The following ANKRD12 variants were observed in gnomAD, a reference collection of about 807,000 sequenced individuals.
ANKRD12 encodes ankyrin repeat domain-containing protein 12.
Under a neutral mutation model 183.4 loss-of-function variants are expected in ANKRD12, and 85 were observed. The observed-to-expected ratio is 0.46, with a 90% CI of 0.39 to 0.56. The LOEUF is 0.56. Among genes scored for constraint, ANKRD12 ranks in the 20% least tolerant of loss-of-function variants. The pLI is 0.00. For synonymous variants in ANKRD12, 914 were observed against 800.2 expected, an observed-to-expected ratio of 1.14 and a Z score of -2.40; for missense variants, 2,405 against 2,357.1, an observed-to-expected ratio of 1.02 and a Z score of -0.42.
intron 1 of ANKRD12, among the ~76,000 whole-genome samples, chr18:9,149,806 T>A (rs576617567): frequency 0.014 from 2,110 of 148,726 alleles, 38 homozygotes; most frequent in Middle Eastern, 0.024. Context: ...TTATTTTTTT[T>A]TTTTTTTGAG....
intron 1 of ANKRD12, among the ~76,000 whole-genome samples, chr18:9,158,608 A>G (rs1322132296): frequency 1.3e-5 from 2 of 152,204 alleles, no homozygotes; most frequent in African/African-American, 2.4e-5. Context: ...TACTATCAAC[A>G]TGACTTAGCA....
chr18:9,268,865 A>G (rs1324419232), intron 10 of ANKRD12, among the ~76,000 whole-genome samples: 1 of 152,226 alleles, frequency 6.6e-6, no homozygotes, highest in African/African-American at 2.4e-5. Context: ...TTGTATATCT[A>G]GAAAACCCCA....
chr18:9,236,404 C>T (rs1351285787), intron 8 of ANKRD12, among the ~76,000 whole-genome samples: 2 of 78,874 alleles, frequency 2.5e-5, no homozygotes, highest in African/African-American at 9.2e-5. Context: ...GAGGAAACAG[C>T]TTCAACAACA....
At chr18:9,145,955 A>G (rs544354642) in intron 1 of ANKRD12, among the ~76,000 whole-genome samples, 10 of 152,334 alleles carry the variant, frequency 6.6e-5, no homozygotes, top group African/African-American at 2.4e-4. Context: ...ATGCATAATT[A>G]GGAAGAGGTT....
rs555061129 is a variant in ANKRD12, at chr18:9,168,761, C to G, written c.-51-13621C>G. ...CTTAGTTATTTCTTGCCTTCTGCTA[C>G]CTTTTGAATGTGTTTGCTCTTGCTT... On this transcript the variant is annotated intron_variant, in intron 1 of 12. Coordinates refer to ENST00000262126, the MANE Select transcript of ANKRD12 (RefSeq NM_015208.5). Among the ~76,000 whole-genome samples the G allele has an allele frequency of 4.6e-5, 7 of 151,900 alleles. No homozygotes were observed. In the East Asian group the frequency reaches 7.7e-4, roughly 17 times the overall value.
intron 6 of ANKRD12, among the ~76,000 whole-genome samples, chr18:9,212,157 T>G (rs1352577516): frequency 1.3e-5 from 2 of 152,094 alleles, no homozygotes; most frequent in Non-Finnish European, 2.9e-5. Context: ...GAGTGTGGTG[T>G]TATTACTTTC....
chr18:9,148,323 TAC>T (rs200838027), intron 1 of ANKRD12, among the ~76,000 whole-genome samples: 4 of 147,548 alleles, frequency 2.7e-5, no homozygotes, highest in African/African-American at 5.0e-5. Context: ...TATATATATA[TAC>T]ACACACACGT....
Position 9,257,676 on chromosome 18 carries a change from A to C in ANKRD12, c.4409A>C (p.Gln1470Pro). Residue 1470 changes from glutamine to proline, a missense_variant, in exon 9 of 13, where the codon CAG becomes CCG. Transcript: ENST00000262126. ...AATGCTGATTTTTTATCCCTGCGCC[A>C]GACTGAACTGCCAGGAAACTCTTGT... The part of the protein sequence containing the change: ...KENADFLSLR[Q>P]TELPGNSCAQ... 6.2e-7 allele frequency: 1 copy of C among 1,614,098 alleles called. No individual in the cohort carries two copies. Among genetic ancestry groups the C allele is most frequent in the Non-Finnish European group, 8.5e-7 (1 of 1,179,986 alleles).
At chr18:9,247,222 TAATCCC>T (rs142102288) in intron 8 of ANKRD12, among the ~76,000 whole-genome samples, 9,581 of 151,754 alleles carry the variant, frequency 0.063, 330 homozygotes, top group Non-Finnish European at 0.079. Flanking sequence ...CTCATGCCTG[TAATCCC>T]AACACTTTAG....
At chr18:9,208,945 T>G in intron 5 of ANKRD12, 142 bp downstream of exon 5, 2 of 850,618 alleles carry the variant, frequency 2.4e-6, no homozygotes, top group Non-Finnish European at 3.4e-6. Context: ...TCAGTGGTAA[T>G]TTTATGATTA....
Position 9,182,506 on chromosome 18 carries a change from C to CA in ANKRD12, c.75dup (p.Tyr26IlefsTer6). 6.2e-7 allele frequency: 1 copy of CA among 1,603,108 alleles called. No individual in the cohort carries two copies. Among genetic ancestry groups the CA allele is most frequent in the South Asian group, 1.1e-5 (1 of 89,664 alleles). Reference sequence around the variant, plus strand: ...AGTGACAGCAATATGGTAGAGAAACCATATGGAAGAAAGGTATATGATTAT... The same window carrying CA: ...AGTGACAGCAATATGGTAGAGAAACCAATATGGAAGAAAGGTATATGATTAT... On this transcript the variant is annotated frameshift_variant, in exon 2 of 13. Coordinates refer to ENST00000262126, the MANE Select transcript of ANKRD12 (RefSeq NM_015208.5). LOFTEE classifies it high-confidence loss of function.
At chr18:9,247,851 G>A (rs72939224) in intron 8 of ANKRD12, among the ~76,000 whole-genome samples, 11,218 of 152,032 alleles carry the variant, frequency 0.074, 426 homozygotes, top group African/African-American at 0.083. Flanking sequence ...TGCCCAGGCT[G>A]GAGTGCAATG....
chr18:9,204,407 T>G, intron 3 of ANKRD12, 69 bp from the exon 4 acceptor site: 2 of 1,102,566 alleles, frequency 1.8e-6, no homozygotes, highest in South Asian at 2.8e-5. Flanking sequence ...TGAAAAATGT[T>G]GGTTTGTTGA....
rs1349564331 is a variant in ANKRD12 at position 9,173,615 on chromosome 18, G to GT, written c.-51-8766dup. On this transcript the variant is annotated intron_variant, in intron 1 of 12. Transcript: ENST00000262126. ...TTGGGAGCTCCATCCCGGTGGGGTG[G>GT]TGGGGGGGGGGTAGGGGGGGCAGTA... Among the ~76,000 whole-genome samples the GT allele has an allele frequency of 1.3e-4, 17 of 130,376 alleles. 1 individual carries two copies. The highest frequency in any genetic ancestry group is 1.9e-4 in the Non-Finnish European group (11 of 59,108). The allele number at this position is 130,376 out of a possible 152,430, so 85.5% of individuals were successfully genotyped here.
chr18:9,233,941 C>G (rs1228696819), intron 8 of ANKRD12, among the ~76,000 whole-genome samples: 1 of 152,092 alleles, frequency 6.6e-6, no homozygotes, highest in Admixed American at 6.6e-5. Context: ...GTGGGCTGGG[C>G]AGGTGAACAG....
chr18:9,234,787 G>C (rs2037250654), intron 8 of ANKRD12, among the ~76,000 whole-genome samples: 1 of 152,206 alleles, frequency 6.6e-6, no homozygotes, highest in Non-Finnish European at 1.5e-5. Context: ...TGCTTGTGCA[G>C]GGTCTCCAAA....
At chr18:9,213,341 A>T (rs1414652882) in intron 6 of ANKRD12, among the ~76,000 whole-genome samples, 1 of 151,970 alleles carries the variant, frequency 6.6e-6, no homozygotes. Flanking sequence ...GACATTATTT[A>T]TCAGAAACCT....
At chr18:9,140,905 A>G (rs992688050) in intron 1 of ANKRD12, among the ~76,000 whole-genome samples, 34 of 152,216 alleles carry the variant, frequency 2.2e-4, no homozygotes, top group African/African-American at 8.0e-4. Flanking sequence ...CATTTCAGGT[A>G]ATTTTCATAA....
At chr18:9,160,432 A>T (rs1022650825) in intron 1 of ANKRD12, among the ~76,000 whole-genome samples, 6 of 150,224 alleles carry the variant, frequency 4.0e-5, no homozygotes, top group Non-Finnish European at 8.9e-5. Context: ...TTAAGTATAT[A>T]ATCCAGTGGT....
Sources: allele counts gnomAD v4.1 joint callset (sites outside exome capture counted in the v4.1 genomes callset), GRCh38; gene constraint gnomAD v4.1.1; transcripts MANE v1.5; gene names NCBI Gene and HGNC (gene_info 2026-07-23, HGNC 2026-07-21).